DUSP22: variants seen among roughly 807,000 people sequenced by gnomAD.
DUSP22 encodes dual specificity protein phosphatase 22.
In DUSP22, 24 loss-of-function variants were observed where a neutral mutation model predicts 24.5. The ratio of observed to expected loss-of-function variants is 0.98; its 90% confidence interval spans 0.71 to 1.38. The LOEUF (loss-of-function observed/expected upper bound fraction) is 1.38. DUSP22 is among the 40% of genes most tolerant of loss of function. The pLI is 0.00. For synonymous variants in DUSP22, 160 were observed against 106.4 expected (o/e 1.50, Z -3.10); for missense variants, 330 against 269.2 (o/e 1.23, Z -1.58).
intron 3 of DUSP22, among the ~76,000 whole-genome samples, chr6:317,273 G>A (rs1185312265): frequency 6.6e-6 from 1 of 152,300 alleles, no homozygotes; most frequent in Non-Finnish European, 1.5e-5. Context: ...GTGGGCCTGA[G>A]GCCGAGGTCT....
intron 2 of DUSP22, among the ~76,000 whole-genome samples, chr6:309,109 T>G (rs1015415992): frequency 6.6e-6 from 1 of 152,302 alleles, no homozygotes; most frequent in Non-Finnish European, 1.5e-5. Flanking sequence ...TCTGCCTAAT[T>G]AATTCTAAGC....
intron 2 of DUSP22, among the ~76,000 whole-genome samples, chr6:304,952 G>A (rs1050781396): frequency 2.0e-5 from 3 of 152,312 alleles, no homozygotes; most frequent in Non-Finnish European, 2.9e-5. Flanking sequence ...TGCAGTATTT[G>A]TGCTTTTGGG....
chr6:300,269 T>A (rs1424523322), intron 1 of DUSP22, among the ~76,000 whole-genome samples: 2 of 152,410 alleles, frequency 1.3e-5, no homozygotes, highest in Non-Finnish European at 2.9e-5. Flanking sequence ...GTGGGTGAGA[T>A]TGGAGAATGC....
chr6:293,797 C>CTTTTTTTT (rs11436850), intron 1 of DUSP22, among the ~76,000 whole-genome samples: 3 of 123,688 alleles, frequency 2.4e-5, no homozygotes, highest in African/African-American at 3.0e-5. Flanking sequence ...ATTGTATTCA[C>CTTTTTTTT]TTTTTTTTTT....
chr6:330,821 C>G (rs1481107380), intron 3 of DUSP22, among the ~76,000 whole-genome samples: 1 of 152,302 alleles, frequency 6.6e-6, no homozygotes, highest in African/African-American at 2.4e-5. Flanking sequence ...CTTAGCAGAT[C>G]CCCCATCTCT....
chr6:335,030 C>G (rs1581181666), intron 3 of DUSP22, 84 bp from the exon 4 acceptor site: 1 of 1,422,092 alleles, frequency 7.0e-7, no homozygotes, highest in East Asian at 2.4e-5. Context: ...TATTTTTTGA[C>G]CTGTGTAAAT....
chr6:349,261 C>G lies in DUSP22; in HGVS notation c.*310C>G. ...TGACTAAGTGGATGCATGTGTGTGC[C>G]TGTGTGAGTGAGGGTATGTGCACCT... On this transcript the variant is annotated 3_prime_UTR_variant, in exon 7 of 7. Transcript: ENST00000419235. The G allele has an allele frequency of 1.5e-6, 2 of 1,330,572 alleles. No homozygotes were observed. The highest frequency in any genetic ancestry group is 1.9e-6 in the Non-Finnish European group (2 of 1,036,052). The allele number at this position is 1,330,572 out of a possible 1,614,324, so 82.4% of individuals were successfully genotyped here. A position where few individuals can be genotyped will look rare whatever the true frequency, so the allele number is the denominator to read the frequency against.
intron 3 of DUSP22, among the ~76,000 whole-genome samples, chr6:320,515 G>A (rs550756094): frequency 5.3e-4 from 80 of 152,374 alleles, no homozygotes; most frequent in African/African-American, 1.4e-3. Context: ...CTCCGTGTTC[G>A]GACTGAGTGT....
rs1157435009 is a variant in DUSP22 at position 349,394 on chromosome 6, G to A, written c.*443G>A. 29 of 1,021,550 alleles carry A rather than the reference G, an allele frequency of 2.8e-5. No individual in the cohort carries two copies. In the East Asian group the frequency reaches 1.1e-3, roughly 38 times the overall value. The allele number at this position is 1,021,550 out of a possible 1,614,324, so 63.3% of individuals were successfully genotyped here. A position where few individuals can be genotyped will look rare whatever the true frequency, so the allele number is the denominator to read the frequency against. On this transcript the variant is annotated 3_prime_UTR_variant, in exon 7 of 7. Coordinates refer to ENST00000419235, the MANE Select transcript of DUSP22 (RefSeq NM_001286555.3). ...AGTCACAGAATTCATATTGCTGCCC[G>A]GGTTGGTGTGGCCACCTTTCCCTTT...
intron 1 of DUSP22, among the ~76,000 whole-genome samples, chr6:299,541 T>C (rs1162449599): frequency 6.6e-6 from 1 of 152,306 alleles, no homozygotes; most frequent in East Asian, 1.9e-4. Context: ...AAGAGAATCA[T>C]ACTGTGACTA....
chr6:295,129 C>G (rs1757265370), intron 1 of DUSP22, among the ~76,000 whole-genome samples: 1 of 152,294 alleles, frequency 6.6e-6, no homozygotes, highest in Non-Finnish European at 1.5e-5. Flanking sequence ...GGTGCTACCC[C>G]TAGAAATCCT....
chr6:335,217 A>T, intron 4 of DUSP22, 54 bp downstream of exon 4: 3 of 1,593,900 alleles, frequency 1.9e-6, no homozygotes, highest in Non-Finnish European at 2.6e-6. Context: ...TGAATAGAGG[A>T]TGGTAAAGTC....
chr6:335,315 A>G (rs1759314289), intron 4 of DUSP22, 152 bp downstream of exon 4: 7 of 1,000,956 alleles, frequency 7.0e-6, no homozygotes, highest in East Asian at 5.2e-5. Flanking sequence ...ACAGAGGCCA[A>G]CGCTAGGCAG....
chr6:348,146 A>G lies in DUSP22; in HGVS notation c.307A>G (p.Ile103Val), dbSNP rs771138960. The G allele has an allele frequency of 1.2e-5, 19 of 1,614,296 alleles. No homozygotes were observed. The highest frequency in any genetic ancestry group is 6.7e-5 in the Admixed American group (4 of 60,036). The part of the protein sequence containing the change: ...SRSVTLVIAY[I>V]MTVTDFGWED... ...GAGCGTGACACTGGTGATCGCATAC[A>G]TCATGACCGTCACTGACTTTGGCTG... The change falls in exon 6 of 7, where the codon ATC (isoleucine) becomes GTC (valine). Residue 103 changes from isoleucine (I) to valine (V), a missense_variant. Ile to Val is a conservative substitution (Grantham distance 29). Transcript: ENST00000419235.
At chr6:345,706 A>C in intron 4 of DUSP22, 148 bp from the exon 5 acceptor site, 1 of 924,846 alleles carries the variant, frequency 1.1e-6, no homozygotes, top group Non-Finnish European at 1.6e-6. Context: ...GAAGTGTCAC[A>C]CTGTAGCCCA....
chr6:340,218 G>T (rs544973973), intron 4 of DUSP22, among the ~76,000 whole-genome samples: 1 of 152,310 alleles, frequency 6.6e-6, no homozygotes, highest in Admixed American at 6.5e-5. Flanking sequence ...TTGACAGTGC[G>T]TGAAATATCA....
At chr6:345,715 C>A in intron 4 of DUSP22, 139 bp from the exon 5 acceptor site, 1 of 1,024,012 alleles carries the variant, frequency 9.8e-7, no homozygotes, top group Non-Finnish European at 1.4e-6. Context: ...CACTGTAGCC[C>A]ATAAATATGT....
intron 4 of DUSP22, among the ~76,000 whole-genome samples, 165 bp downstream of exon 4, chr6:335,328 T>C (rs1030960277): frequency 6.6e-6 from 1 of 152,306 alleles, no homozygotes; most frequent in African/African-American, 2.4e-5. Flanking sequence ...CTAGGCAGGC[T>C]GGGATGAGCT....
chr6:304,436 T>C (rs1436341510), intron 1 of DUSP22, among the ~76,000 whole-genome samples, 192 bp from the exon 2 acceptor site: 1 of 152,290 alleles, frequency 6.6e-6, no homozygotes, highest in Non-Finnish European at 1.5e-5. Flanking sequence ...ACCCAGCGAG[T>C]CGATGGGCAC....
Sources: allele counts gnomAD v4.1 joint callset (sites outside exome capture counted in the v4.1 genomes callset), GRCh38; gene constraint gnomAD v4.1.1; transcripts MANE v1.5; gene names NCBI Gene and HGNC (gene_info 2026-07-23, HGNC 2026-07-21).